The following SCN3A variants were observed in gnomAD, a reference collection of about 807,000 sequenced individuals.
The protein encoded by SCN3A is sodium channel protein type 3 subunit alpha.
SCN3A carries 60 observed loss-of-function variants against 187.6 expected under a neutral mutation model. That is an observed-to-expected ratio of 0.32 (90% CI 0.26 to 0.40). The LOEUF is 0.40. Among genes scored for constraint, SCN3A ranks in the 10% least tolerant of loss-of-function variants. The pLI, the probability that SCN3A is intolerant of heterozygous loss-of-function variation, is 1.00. For missense variants in SCN3A, 1,601 were observed against 2,428.2 expected (o/e 0.66, Z 7.16); for synonymous variants, 788 against 829.2 (o/e 0.95, Z 0.85).
At position 165,115,493 on chromosome 2, in the gene SCN3A, G is replaced by A. The variant is rs1176344144; in HGVS notation, c.3476C>T (p.Pro1159Leu). The A allele has an allele frequency of 6.2e-7, 1 of 1,613,486 alleles. No homozygotes were observed. Among genetic ancestry groups the A allele is most frequent in the South Asian group, 1.1e-5 (1 of 91,038 alleles). The change falls in exon 19 of 28, where the codon CCC becomes CTC. Residue 1159 changes from proline to leucine, a missense_variant. Physicochemically the swap from Pro to Leu is moderately conservative, Grantham distance 98. This residue lies in a region of SCN3A where 267 missense variants were observed against 313.2 expected (regional missense o/e 0.85). Coordinates refer to ENST00000283254, the MANE Select transcript of SCN3A (RefSeq NM_006922.4). Reference protein sequence around the residue: ...PREGEQAETEPEEDLKPEACF... With the variant: ...PREGEQAETELEEDLKPEACF... ...AGCTTCCGGTTTAAGGTCTTCTTCG[G>A]GTTCAGTTTCAGCTTGTTCACCTTC...
intron 22 of SCN3A, among the ~76,000 whole-genome samples, chr2:165,099,865 G>T (rs1298295676): frequency 6.6e-6 from 1 of 152,158 alleles, no homozygotes; most frequent in Admixed American, 6.5e-5. Context: ...TTTTATTACT[G>T]ATATTAATTC....
At position 165,090,069 on chromosome 2, in the gene SCN3A, C is replaced by T; in HGVS notation, c.*81G>A. Reference sequence around the variant, plus strand: ...AAACAGTCAGTTTGGCATGGACCTCCTCTTGAAGTCCAGTTGACACATATA... The same window carrying T: ...AAACAGTCAGTTTGGCATGGACCTCTTCTTGAAGTCCAGTTGACACATATA... On this transcript the variant is annotated 3_prime_UTR_variant, in exon 28 of 28. Coordinates refer to ENST00000283254, the MANE Select transcript of SCN3A (RefSeq NM_006922.4). This position sits in a 1 kb window ranked among gnomAD's most constrained non-coding sequence, Gnocchi z 4.0. The T allele has an allele frequency of 1.3e-6, 2 of 1,536,376 alleles. No individual in the cohort carries two copies. Among genetic ancestry groups the T allele is most frequent in the South Asian group, 2.4e-5 (2 of 82,676 alleles).
chr2:165,113,978 T>A lies in SCN3A; in HGVS notation c.3515-8A>T. ...GAAACTTTTTAATACATCCTAAAAA[T>A]CAAATATAGTTAATTAAAAAATATA... On this transcript the variant is annotated splice_region_variant and splice_polypyrimidine_tract_variant and intron_variant, in intron 19 of 27. Coordinates refer to ENST00000283254, the MANE Select transcript of SCN3A (RefSeq NM_006922.4). The A allele has an allele frequency of 6.6e-7, 1 of 1,512,290 alleles. No homozygotes were observed. Among genetic ancestry groups the A allele is most frequent in the South Asian group, 1.2e-5 (1 of 81,890 alleles). The allele number at this position is 1,512,290 out of a possible 1,614,324, so 93.7% of individuals were successfully genotyped here.
intron 18 of SCN3A, among the ~76,000 whole-genome samples, chr2:165,117,092 T>A (rs1004299056): frequency 1.3e-5 from 2 of 152,032 alleles, no homozygotes; most frequent in Non-Finnish European, 2.9e-5. Flanking sequence ...GGAAAATTAC[T>A]GCTGGGTAGA....
At chr2:165,181,578 A>G (rs769731579) in intron 2 of SCN3A, among the ~76,000 whole-genome samples, 17 of 152,112 alleles carry the variant, frequency 1.1e-4, no homozygotes, top group Non-Finnish European at 1.3e-4. Context: ...CCAAATTCCA[A>G]TTTCCTCTTG....
At chr2:165,202,021 C>T (rs777707349) in intron 1 of SCN3A, among the ~76,000 whole-genome samples, 2 of 152,034 alleles carry the variant, frequency 1.3e-5, no homozygotes, top group Non-Finnish European at 2.9e-5. Flanking sequence ...AACCAGATCC[C>T]AAGACTTTCA....
rs1337662310 is a variant in SCN3A, at chr2:165,090,911, T to C, written c.5242A>G (p.Ile1748Val). The C allele has an allele frequency of 1.9e-6, 3 of 1,613,812 alleles. No individual in the cohort carries two copies. The highest frequency in any genetic ancestry group is 2.5e-6 in the Non-Finnish European group (3 of 1,179,954). Reference protein sequence around the residue: ...KGDCGNPSVGIFFFVSYIIIS... With the variant: ...KGDCGNPSVGVFFFVSYIIIS... ...ATGATGTAACTGACAAAAAAGAAAA[T>C]CCCAACAGATGGGTTCCCACAGTCT... The change falls in exon 28 of 28, where the codon ATT becomes GTT. Residue 1748 changes from isoleucine to valine, a missense_variant. By Grantham distance (29) the Ile-to-Val change is conservative. Transcript: ENST00000283254. This position sits in a 1 kb window ranked among gnomAD's most constrained non-coding sequence, Gnocchi z 4.0.
chr2:165,161,137 C>CTTTTTTTTTTTTT (rs61608647), intron 9 of SCN3A, among the ~76,000 whole-genome samples: 215 of 93,374 alleles, frequency 2.3e-3, no homozygotes, highest in Non-Finnish European at 3.2e-3. Flanking sequence ...TTCTTTCTTT[C>CTTTTTTTTTTTTT]TTTTTTTTTT....
At chr2:165,183,182 A>G (rs1690998232) in intron 2 of SCN3A, among the ~76,000 whole-genome samples, 1 of 152,220 alleles carries the variant, frequency 6.6e-6, no homozygotes, top group Non-Finnish European at 1.5e-5. Flanking sequence ...GGAATTTCCA[A>G]GATGCTAATT....
intron 5 of SCN3A, 82 bp from the exon 6 acceptor site, chr2:165,164,602 C>T: frequency 2.0e-6 from 3 of 1,474,884 alleles, no homozygotes; most frequent in Non-Finnish European, 2.8e-6. Flanking sequence ...AAATCCTATC[C>T]TTTTGTGGTT....
Position 165,097,306 on chromosome 2 carries a change from G to A in SCN3A, c.4185C>T (p.Asn1395=), listed in dbSNP as rs373421039. The A allele has an allele frequency of 1.3e-4, 203 of 1,613,852 alleles. No homozygotes were observed. The highest frequency in any genetic ancestry group is 1.7e-4 in the Non-Finnish European group (195 of 1,179,974). Residue 1395 remains asparagine (N), a synonymous_variant, in exon 23 of 28, where the codon AAC becomes AAT. Coordinates refer to ENST00000283254, the MANE Select transcript of SCN3A (RefSeq NM_006922.4). ...CAACATTATCAAAGTTTACTTTCAC[G>A]TTTTTCCACCGAGCTTGCTTGCCAA... The part of the protein sequence containing the change: ...QALGKQARWK[N]VKVNFDNVGA...
chr2:165,100,589 C>G (rs1318019228), intron 21 of SCN3A, among the ~76,000 whole-genome samples, 165 bp from the exon 22 acceptor site: 2 of 152,118 alleles, frequency 1.3e-5, no homozygotes, highest in African/African-American at 4.8e-5. Flanking sequence ...AGTCTCATCT[C>G]ATACTATTGC....
In SCN3A at chr2:165,137,968, T is replaced by C; in HGVS notation, c.2302A>G (p.Ile768Val). 6.2e-7 allele frequency: 1 copy of C among 1,613,422 alleles called. No individual in the cohort carries two copies. Among genetic ancestry groups the C allele is most frequent in the Non-Finnish European group, 8.5e-7 (1 of 1,179,548 alleles). ...MDPFVDLAIT[I>V]CIVLNTLFMA... ...AAGAGGGTATTTAAGACAATGCAAA[T>C]AGTGATGGCAAGATCAACAAATGGA... The change falls in exon 15 of 28, where the codon ATT (isoleucine) becomes GTT (valine). Residue 768 changes from isoleucine (I) to valine (V), a missense_variant. This residue lies in a region of SCN3A where 376 missense variants were observed against 476.0 expected (regional missense o/e 0.79). Coordinates refer to ENST00000283254, the MANE Select transcript of SCN3A (RefSeq NM_006922.4).
At chr2:165,110,073 C>A (rs1311236570) in intron 21 of SCN3A, among the ~76,000 whole-genome samples, 45 of 152,278 alleles carry the variant, frequency 3.0e-4, no homozygotes. Flanking sequence ...ACACACTGCT[C>A]CTGCCCTCCC....
intron 2 of SCN3A, among the ~76,000 whole-genome samples, chr2:165,182,344 G>A (rs1690931471): frequency 6.6e-6 from 1 of 152,192 alleles, no homozygotes; most frequent in Non-Finnish European, 1.5e-5. Context: ...TGACTCTGCT[G>A]TGTTCCTGAA....
intron 11 of SCN3A, among the ~76,000 whole-genome samples, chr2:165,153,205 A>AT (rs1688798477): frequency 6.6e-6 from 1 of 152,116 alleles, no homozygotes; most frequent in Non-Finnish European, 1.5e-5. Context: ...GAGAATGAAT[A>AT]TTTTGTTTTT....
At chr2:165,101,182 T>G (rs1411940912) in intron 21 of SCN3A, among the ~76,000 whole-genome samples, 1 of 152,208 alleles carries the variant, frequency 6.6e-6, no homozygotes, top group Non-Finnish European at 1.5e-5. Flanking sequence ...TTTGGATTTT[T>G]CGATTAGAGA....
Position 165,094,400 on chromosome 2 carries a change from G to T in SCN3A, c.4510C>A (p.Pro1504Thr). ...NAMKKLGSKK[P>T]QKPIPRPANK... is the part of the protein sequence containing the mutation. ...GCTGGGCGAGGTATGGGTTTCTGAG[G>T]TTTCTTGGATCCAAGTTTCTTCATT... Residue 1504 changes from proline to threonine, a missense_variant, in exon 26 of 28, where the codon CCT becomes ACT. By Grantham distance (38) the Pro-to-Thr change is conservative. This residue lies in a region of SCN3A where 320 missense variants were observed against 623.2 expected (regional missense o/e 0.51). Transcript: ENST00000283254. The T allele has an allele frequency of 6.2e-7, 1 of 1,613,620 alleles. No homozygotes were observed. The highest frequency in any genetic ancestry group is 8.5e-7 in the Non-Finnish European group (1 of 1,179,646).
rs1463446459 is a variant in SCN3A, at chr2:165,158,779, G to A, written c.1032-2876C>T. On this transcript the variant is annotated intron_variant, in intron 9 of 27. Transcript: ENST00000283254. ...CACTCAGTAATATTTTATTGTATGG[G>A]CATAACAATTTATTTATCTATACAA... Among the ~76,000 whole-genome samples, 2 of 137,448 alleles carry A rather than the reference G, an allele frequency of 1.5e-5. 1 individual carries two copies. Among genetic ancestry groups the A allele is most frequent in the Non-Finnish European group, 3.0e-5 (2 of 66,596 alleles). The allele number at this position is 137,448 out of a possible 152,430, so 90.2% of individuals were successfully genotyped here.
Sources: gnomAD v4.1 joint callset for allele counts (sites outside exome capture counted in the v4.1 genomes callset) on GRCh38, gnomAD v4.1.1 for gene constraint, gnomAD v4.1.1 regional missense constraint, Gnocchi (gnomAD v3.1) non-coding constraint, MANE v1.5 for transcripts, NCBI Gene and HGNC (gene_info 2026-07-23, HGNC 2026-07-21) for gene names.